The following MIOX variants were observed in gnomAD, a reference collection of about 807,000 sequenced individuals.
The protein encoded by MIOX is inositol oxygenase.
MIOX carries 51 observed loss-of-function variants against 42.7 expected under a neutral mutation model. That is an observed-to-expected ratio of 1.19 (90% CI 0.95 to 1.51). The LOEUF (loss-of-function observed/expected upper bound fraction) is 1.51, where lower values mean the gene tolerates loss of function less well. Among genes scored for constraint, MIOX ranks in the 40% most tolerant of loss-of-function variants. The pLI is 0.00. For synonymous variants in MIOX, 168 were observed against 154.4 expected (o/e 1.09, Z -0.65); for missense variants, 395 against 381.3 (o/e 1.04, Z -0.30).
intron 5 of MIOX, among the ~76,000 whole-genome samples, chr22:50,488,553 C>CTG (rs1569516477): frequency 3.7e-5 from 3 of 80,276 alleles, no homozygotes; most frequent in Admixed American, 1.2e-4. Context: ...CGGCCCCCCC[C>CTG]ACGGCTGCCT....
Position 50,488,278 on chromosome 22 carries a change from G to C in MIOX, c.344G>C (p.Trp115Ser), listed in dbSNP as rs773632012. Reference sequence around the variant, plus strand: ...GCCCTGTCCATCCCCCTCCCAGACTGGTTCCACCTCGTCGGGCTCCTGCAC... The same window carrying C: ...GCCCTGTCCATCCCCCTCCCAGACTCGTTCCACCTCGTCGGGCTCCTGCAC... ...GIRKAHPDKD[W>S]FHLVGLLHDL... Residue 115 changes from tryptophan (W) to serine (S), a missense_variant, in exon 5 of 10, where the codon TGG becomes TCG. By Grantham distance (177) the Trp-to-Ser change is radical. Coordinates refer to ENST00000216075, the MANE Select transcript of MIOX (RefSeq NM_017584.6). 13 of 1,613,300 alleles carry C rather than the reference G, an allele frequency of 8.1e-6. No homozygotes were observed. In the East Asian group the frequency reaches 2.0e-4, roughly 25 times the overall value.
chr22:50,489,257 G>A lies in MIOX; in HGVS notation c.548G>A (p.Cys183Tyr). The change falls in exon 7 of 10, where the codon TGT (cysteine) becomes TAT (tyrosine). Residue 183 changes from cysteine (C) to tyrosine (Y), a missense_variant. By Grantham distance (194) the Cys-to-Tyr change is radical. Transcript: ENST00000216075. ...STELGMYQPH[C>Y]GLDRVLMSWG... ...GAGCTCGGGATGTATCAGCCCCACT[G>A]TGGGCTCGACAGGGTCCTCATGTCC... is the stretch of plus-strand genomic sequence containing the variant. 6.2e-7 allele frequency: 1 copy of A among 1,604,756 alleles called. No individual in the cohort carries two copies. Among genetic ancestry groups the A allele is most frequent in the Non-Finnish European group, 8.5e-7 (1 of 1,178,904 alleles).
chr22:50,486,967 A>G, intron 1 of MIOX, 55 bp downstream of exon 1: 1 of 1,608,728 alleles, frequency 6.2e-7, no homozygotes, highest in Non-Finnish European at 8.5e-7. Context: ...CCTGGTGGCC[A>G]GCCACTCCCG....
chr22:50,487,506 C>T (rs774212211), intron 2 of MIOX, 41 bp downstream of exon 2: 1 of 1,586,102 alleles, frequency 6.3e-7, no homozygotes, highest in East Asian at 2.2e-5. Context: ...CCCCCATCCA[C>T]ACCCTGGGGA....
rs543867386 is a variant in MIOX, at chr22:50,489,994, C to T, written c.*138C>T. The T allele has an allele frequency of 1.2e-4, 82 of 689,432 alleles. 1 individual carries two copies. The highest frequency in any genetic ancestry group is 1.1e-3 in the South Asian group (65 of 58,934). The allele number at this position is 689,432 out of a possible 1,614,324, so 42.7% of individuals were successfully genotyped here. ...ACTCACCCCCTTAGGGTCGCCACCCCTCACGGCAACTTGTGCCTGGCGTCA... is the reference window on the plus strand; with the variant it reads ...ACTCACCCCCTTAGGGTCGCCACCCTTCACGGCAACTTGTGCCTGGCGTCA... On this transcript the variant is annotated 3_prime_UTR_variant, in exon 10 of 10. Transcript: ENST00000216075.
In MIOX at chr22:50,489,439, C is replaced by T. The variant is rs940987486; in HGVS notation, c.629C>T (p.Pro210Leu). The change falls in exon 8 of 10, where the codon CCC (proline) becomes CTC (leucine). Residue 210 changes from proline (P) to leucine (L), a missense_variant. Transcript: ENST00000216075. ...ATGAAGTTTAACAAGTTCTCACTGC[C>T]CCCTGAGGTAGGTGGGGGGAGGGGC... is the stretch of plus-strand genomic sequence containing the variant. The part of the protein sequence containing the change: ...QVMKFNKFSL[P>L]PEAFYMIRFH... The T allele has an allele frequency of 1.9e-6, 3 of 1,606,844 alleles. No individual in the cohort carries two copies. The highest frequency in any genetic ancestry group is 1.3e-5 in the African/African-American group (1 of 74,916).
At position 50,489,599 on chromosome 22, in the gene MIOX, G is replaced by A. The variant is rs78505518; in HGVS notation, c.704G>A (p.Cys235Tyr). 1.9e-6 allele frequency: 3 copies of A among 1,612,314 alleles called. No homozygotes were observed. Among genetic ancestry groups the A allele is most frequent in the South Asian group, 1.1e-5 (1 of 91,070 alleles). ...ACGGGCCGCGACTACCAGCAGCTGT[G>A]CAGCCAGCAGGACCTGGCCATGCTG... The part of the protein sequence containing the change: ...WHTGRDYQQL[C>Y]SQQDLAMLPW... The change falls in exon 9 of 10, where the codon TGC becomes TAC. Residue 235 changes from cysteine to tyrosine, a missense_variant. Coordinates refer to ENST00000216075, the MANE Select transcript of MIOX (RefSeq NM_017584.6).
At position 50,489,977 on chromosome 22, in the gene MIOX, C is replaced by T. The variant is rs995860392; in HGVS notation, c.*121C>T. 6.8e-6 allele frequency: 6 copies of T among 888,404 alleles called. No homozygotes were observed. Among genetic ancestry groups the T allele is most frequent in the African/African-American group, 1.7e-5 (1 of 59,820 alleles). The allele number at this position is 888,404 out of a possible 1,614,324, so 55.0% of individuals were successfully genotyped here. On this transcript the variant is annotated 3_prime_UTR_variant, in exon 10 of 10. Transcript: ENST00000216075. ...CCTCGGTGGGGGACCCCACTCACCC[C>T]CTTAGGGTCGCCACCCCTCACGGCA...
At chr22:50,488,459 GC>G in intron 5 of MIOX, 117 bp downstream of exon 5, 4 of 807,348 alleles carry the variant, frequency 5.0e-6, no homozygotes, top group South Asian at 3.8e-5. Context: ...ACCCCCCACG[GC>G]CCCCCGACGG....
chr22:50,487,599 G>A (rs992054756), intron 2 of MIOX, 63 bp from the exon 3 acceptor site: 1 of 1,569,506 alleles, frequency 6.4e-7, no homozygotes, highest in East Asian at 2.2e-5. Context: ...CTGCCTGGGA[G>A]AGGGGAGGCA....
At chr22:50,488,931 C>A (rs560546370) in intron 5 of MIOX, 109 bp from the exon 6 acceptor site, 5 of 744,426 alleles carry the variant, frequency 6.7e-6, no homozygotes, top group East Asian at 2.8e-5. Context: ...CACCTTCCCC[C>A]ACTCCCCCCA....
intron 5 of MIOX, 59 bp downstream of exon 5, chr22:50,488,401 TGGCCTTGGTGCTTGGCCTGG>T (rs2068302686): frequency 1.4e-6 from 2 of 1,424,862 alleles, no homozygotes; most frequent in Non-Finnish European, 9.6e-7. Context: ...GGGGGTGGAG[TGGCCTTGGTGCTTGGCCTGG>T]GATACTACCT....
At chr22:50,488,965 T>G in intron 5 of MIOX, 75 bp from the exon 6 acceptor site, 3 of 1,001,512 alleles carry the variant, frequency 3.0e-6, no homozygotes, top group Non-Finnish European at 4.4e-6. Context: ...CTCCTGTCCT[T>G]CTGCAGTGGG....
rs776016238 is a variant in MIOX at position 50,489,092 on chromosome 22, T to C, written c.461T>C (p.Val154Ala). 1.2e-6 allele frequency: 2 copies of C among 1,612,652 alleles called. No individual in the cohort carries two copies. The highest frequency in any genetic ancestry group is 2.2e-5 in the South Asian group (2 of 91,052). The change falls in exon 6 of 10, where the codon GTG becomes GCG. Residue 154 changes from valine to alanine, a missense_variant. Val to Ala is a moderately conservative substitution (Grantham distance 64). Coordinates refer to ENST00000216075, the MANE Select transcript of MIOX (RefSeq NM_017584.6). ...FPVGCRPQAS[V>A]VFCDSTFQDN... ...GTCGGATGCCGTCCGCAGGCCTCCG[T>C]GGTTTTCTGCGACTCCACCTTCCAG... is the stretch of plus-strand genomic sequence containing the variant.
chr22:50,489,956 G>T lies in MIOX; in HGVS notation c.*100G>T. On this transcript the variant is annotated 3_prime_UTR_variant, in exon 10 of 10. Transcript: ENST00000216075. The stretch of plus-strand genomic sequence containing the variant: ...AACAGCCGCCATCAGGGTTCACCTC[G>T]GTGGGGGACCCCACTCACCCCCTTA... 11 of 1,151,740 alleles carry T rather than the reference G, an allele frequency of 9.6e-6. No homozygotes were observed. The South Asian group carries it at 1.3e-4, about 13-fold the overall frequency. 71.3% of individuals were successfully genotyped at this position (1,151,740 alleles called of 1,614,324 possible). A position where few individuals can be genotyped will look rare whatever the true frequency, so the allele number is the denominator to read the frequency against.
At chr22:50,489,175 C>T (rs761436108) in intron 6 of MIOX, 26 bp downstream of exon 6, 34 of 1,611,892 alleles carry the variant, frequency 2.1e-5, no homozygotes, top group Middle Eastern at 3.3e-4. Flanking sequence ...GAGGGCTGGG[C>T]CCCCTTCCCT....
In MIOX at chr22:50,488,038, C is replaced by G. The variant is rs1369717783; in HGVS notation, c.330C>G (p.His110Gln). 3 of 1,613,666 alleles carry G rather than the reference C, an allele frequency of 1.9e-6. No individual in the cohort carries two copies. The Admixed American group carries it at 5.0e-5, about 27-fold the overall frequency. ...FQTAEGIRKAHPDKDWFHLVG... is the reference protein window; with the variant it reads ...FQTAEGIRKAQPDKDWFHLVG... ...CAGCGGAGGGCATCCGGAAGGCCCA[C>G]CCAGACAAGGGTGAGCCCTGGCTGT... is the stretch of plus-strand genomic sequence containing the variant. The change falls in exon 4 of 10, where the codon CAC becomes CAG. Residue 110 changes from histidine to glutamine, a missense_variant. By Grantham distance (24) the His-to-Gln change is conservative (BLOSUM62 0). Coordinates refer to ENST00000216075, the MANE Select transcript of MIOX (RefSeq NM_017584.6).
At position 50,490,240 on chromosome 22, in the gene MIOX, C is replaced by T. The variant is rs531326364; in HGVS notation, c.*384C>T. 2 of 269,244 alleles carry T rather than the reference C, an allele frequency of 7.4e-6. No homozygotes were observed. Among genetic ancestry groups the T allele is most frequent in the East Asian group, 1.6e-4 (2 of 12,460 alleles). The allele number at this position is 269,244 out of a possible 1,614,324, so 16.7% of individuals were successfully genotyped here. A position where few individuals can be genotyped will look rare whatever the true frequency, so the allele number is the denominator to read the frequency against. On this transcript the variant is annotated 3_prime_UTR_variant, in exon 10 of 10. Coordinates refer to ENST00000216075, the MANE Select transcript of MIOX (RefSeq NM_017584.6). ...GTCACCCAGCTCACCCCCACATGCT[C>T]AAAACAGTCACCAAGTCCTCTGGGC... is the stretch of plus-strand genomic sequence containing the variant.
rs555142499 is a variant in MIOX at position 50,489,987 on chromosome 22, G to A, written c.*131G>A. The A allele has an allele frequency of 2.1e-4, 162 of 764,768 alleles. No individual in the cohort carries two copies. The highest frequency in any genetic ancestry group is 2.0e-3 in the South Asian group (125 of 63,000). The allele number at this position is 764,768 out of a possible 1,614,324, so 47.4% of individuals were successfully genotyped here. A position where few individuals can be genotyped will look rare whatever the true frequency, so the allele number is the denominator to read the frequency against. On this transcript the variant is annotated 3_prime_UTR_variant, in exon 10 of 10. Coordinates refer to ENST00000216075, the MANE Select transcript of MIOX (RefSeq NM_017584.6). ...GGACCCCACTCACCCCCTTAGGGTCGCCACCCCTCACGGCAACTTGTGCCT... is the reference window on the plus strand; with the variant it reads ...GGACCCCACTCACCCCCTTAGGGTCACCACCCCTCACGGCAACTTGTGCCT...
Sources: allele counts gnomAD v4.1 joint callset (sites outside exome capture counted in the v4.1 genomes callset), GRCh38; gene constraint gnomAD v4.1.1; transcripts MANE v1.5; gene names NCBI Gene and HGNC (gene_info 2026-07-23, HGNC 2026-07-21).